The following PBX1 variants were observed in gnomAD, a reference collection of about 807,000 sequenced individuals.
PBX1 encodes the protein pre-B-cell leukemia transcription factor 1.
Under a neutral mutation model 53.4 loss-of-function variants are expected in PBX1, and 6 were observed. The observed-to-expected ratio is 0.11, with a 90% confidence interval of 0.06 to 0.22. The LOEUF (loss-of-function observed/expected upper bound fraction) is 0.22. Ranked by LOEUF, PBX1 falls within the 10% of genes least tolerant of loss-of-function variation. PBX1 has a pLI of 1.00. For synonymous variants in PBX1, 204 were observed against 212.3 expected (o/e 0.96, Z 0.34); for missense variants, 251 against 551.4 (o/e 0.46, Z 5.46).
At chr1:164,738,863 C>T (rs556812206) in intron 2 of PBX1, among the ~76,000 whole-genome samples, 74 of 152,326 alleles carry the variant, frequency 4.9e-4, no homozygotes, top group Non-Finnish European at 9.4e-4. Context: ...GTCACAGTTT[C>T]TCTAACATCC....
rs2102007535 is a variant in PBX1, at chr1:164,685,402, C to T, written c.266-107092C>T. ...CATAGCAGCAGCTTATCAAAATGTCCCAGACAAGTTTACTTCAACAAATTA... is the reference window on the plus strand; with the variant it reads ...CATAGCAGCAGCTTATCAAAATGTCTCAGACAAGTTTACTTCAACAAATTA... On this transcript the variant is annotated intron_variant, in intron 2 of 8. Coordinates refer to ENST00000420696, the MANE Select transcript of PBX1 (RefSeq NM_002585.4). Among the ~76,000 whole-genome samples the T allele has an allele frequency of 1.3e-5, 2 of 152,168 alleles. 1 individual carries two copies. Among genetic ancestry groups the T allele is most frequent in the South Asian group, 4.2e-4 (2 of 4,818 alleles).
At chr1:164,701,317 G>T (rs1007589758) in intron 2 of PBX1, among the ~76,000 whole-genome samples, 3 of 152,154 alleles carry the variant, frequency 2.0e-5, no homozygotes, top group African/African-American at 7.2e-5. Context: ...TTCACCAATT[G>T]TTATCTCAGA....
intron 2 of PBX1, among the ~76,000 whole-genome samples, chr1:164,773,243 G>GCACACACACACACACACACACA (rs60518864): frequency 5.9e-4 from 87 of 147,778 alleles, no homozygotes; most frequent in Middle Eastern, 3.4e-3. Context: ...GGTAACACGC[G>GCACACACACACACACACACACA]CACACACACA....
intron 8 of PBX1, among the ~76,000 whole-genome samples, chr1:164,822,793 A>G (rs1670225554): frequency 6.6e-6 from 1 of 152,228 alleles, no homozygotes. Flanking sequence ...AGGATAGGAT[A>G]GGACTACTAA....
At chr1:164,694,799 A>G (rs1001817990) in intron 2 of PBX1, among the ~76,000 whole-genome samples, 1 of 152,202 alleles carries the variant, frequency 6.6e-6, no homozygotes, top group Non-Finnish European at 1.5e-5. Flanking sequence ...CAAGACTTAT[A>G]AAACTAAACA....
rs577859118 is a variant in PBX1, at chr1:164,670,711, GAATAGCAGAGAGAGGAA to G, written c.265+107420_265+107436del. Among the ~76,000 whole-genome samples the G allele has an allele frequency of 5.1e-4, 78 of 152,230 alleles. 1 individual carries two copies. In the South Asian group the frequency reaches 0.013, roughly 26 times the overall value. ...CTGGGGCAGAAAAATGGAGTACTGA[GAATAGCAGAGAGAGGAA>G]AATAGCAGAGAGAGGAAAAAGAAAG... is the stretch of plus-strand genomic sequence containing the variant. On this transcript the variant is annotated intron_variant, in intron 2 of 8. Transcript: ENST00000420696.
intron 2 of PBX1, among the ~76,000 whole-genome samples, chr1:164,598,383 G>A (rs1197029110): frequency 1.3e-5 from 2 of 152,104 alleles, no homozygotes; most frequent in African/African-American, 4.8e-5. Context: ...CAGGAGTTAG[G>A]TGTCGAGACC....
chr1:164,564,806 A>AGT (rs982698559), intron 2 of PBX1, among the ~76,000 whole-genome samples: 8 of 151,420 alleles, frequency 5.3e-5, no homozygotes, highest in African/African-American at 1.9e-4. Context: ...AGGAAACTTA[A>AGT]GTGTGTGTGT....
intron 5 of PBX1, 142 bp from the exon 6 acceptor site, chr1:164,811,847 CT>C (rs1669628742): frequency 2.2e-6 from 1 of 457,696 alleles, no homozygotes; most frequent in Non-Finnish European, 3.6e-6. Context: ...TACTTCAGAT[CT>C]TTTTACTGAT....
At chr1:164,640,416 C>T (rs764327989) in intron 2 of PBX1, among the ~76,000 whole-genome samples, 1 of 152,132 alleles carries the variant, frequency 6.6e-6, no homozygotes, top group Non-Finnish European at 1.5e-5. Context: ...AATTACTTAT[C>T]TGGACTACTG....
chr1:164,762,502 C>T (rs1666862301), intron 2 of PBX1, among the ~76,000 whole-genome samples: 1 of 152,144 alleles, frequency 6.6e-6, no homozygotes, highest in Admixed American at 6.5e-5. Flanking sequence ...ATAAAGTGTG[C>T]TTCATTTTCA....
intron 2 of PBX1, among the ~76,000 whole-genome samples, chr1:164,629,686 G>T (rs1163321825): frequency 1.3e-5 from 2 of 152,186 alleles, no homozygotes; most frequent in African/African-American, 4.8e-5. Flanking sequence ...AGATTTTACT[G>T]TCAAGCTAAT....
chr1:164,792,248 C>T (rs1668551249), intron 2 of PBX1, among the ~76,000 whole-genome samples: 1 of 152,114 alleles, frequency 6.6e-6, no homozygotes, highest in Non-Finnish European at 1.5e-5. Context: ...CTACTTTCTG[C>T]CTCTTATAAA....
At chr1:164,796,265 C>T (rs773485694) in intron 3 of PBX1, among the ~76,000 whole-genome samples, 2 of 152,138 alleles carry the variant, frequency 1.3e-5, no homozygotes, top group Non-Finnish European at 2.9e-5. Flanking sequence ...GCCTCAGACT[C>T]CCAAAGTGCT....
chr1:164,828,039 A>G (rs1244653894), intron 8 of PBX1, among the ~76,000 whole-genome samples: 3 of 152,180 alleles, frequency 2.0e-5, no homozygotes, highest in Non-Finnish European at 4.4e-5. Flanking sequence ...GGAATTTGAA[A>G]TTAAATTATA....
At chr1:164,716,809 C>A (rs1295395237) in intron 2 of PBX1, among the ~76,000 whole-genome samples, 1 of 151,738 alleles carries the variant, frequency 6.6e-6, no homozygotes, top group Middle Eastern at 3.2e-3. Flanking sequence ...ATCTTTCTTA[C>A]AAGACCTAAA....
chr1:164,597,976 AT>A (rs923812855), intron 2 of PBX1, among the ~76,000 whole-genome samples: 1 of 152,124 alleles, frequency 6.6e-6, no homozygotes, highest in African/African-American at 2.4e-5. Context: ...AAAGAAGTGT[AT>A]TTGGCTTGTG....
intron 2 of PBX1, among the ~76,000 whole-genome samples, chr1:164,867,280 T>C (rs147964466): frequency 3.1e-4 from 47 of 152,284 alleles, no homozygotes; most frequent in African/African-American, 1.0e-3. Context: ...ACACAGCACA[T>C]GCCCGACACA....
chr1:164,797,940 CCT>C (rs1327404144), intron 3 of PBX1, among the ~76,000 whole-genome samples: 2 of 152,186 alleles, frequency 1.3e-5, no homozygotes, highest in African/African-American at 4.8e-5. Flanking sequence ...TCTCACTCAG[CCT>C]CTCTGCTGTG....
Sources: allele counts gnomAD v4.1 joint callset (sites outside exome capture counted in the v4.1 genomes callset), GRCh38; gene constraint gnomAD v4.1.1; transcripts MANE v1.5; gene names NCBI Gene and HGNC (gene_info 2026-07-23, HGNC 2026-07-21).